Variants in RBKS observed in about 807,000 individuals in gnomAD.
RBKS encodes ribokinase.
A neutral mutation model predicts 33.9 loss-of-function variants in RBKS; 33 were observed. The ratio of observed to expected loss-of-function variants is 0.97; its 90% CI spans 0.74 to 1.30. The LOEUF is 1.30. Among genes scored for constraint, RBKS ranks in the 50% most tolerant of loss-of-function variants. The pLI, the probability that RBKS is intolerant of heterozygous loss-of-function variation, is 0.00. For synonymous variants in RBKS, 125 were observed against 143.0 expected (o/e 0.87, Z 0.90); for missense variants, 361 against 392.6 (o/e 0.92, Z 0.68).
chr2:27,818,953 A>G (rs917670182), intron 7 of RBKS, among the ~76,000 whole-genome samples: 1 of 152,198 alleles, frequency 6.6e-6, no homozygotes, highest in Non-Finnish European at 1.5e-5. Context: ...CCCCTGAGAT[A>G]TTTCACCAAA....
rs759925783 is a variant in RBKS, at chr2:27,890,246, C to T, written c.89+11G>A. The T allele has an allele frequency of 9.9e-6, 16 of 1,612,802 alleles. No individual in the cohort carries two copies. The highest frequency in any genetic ancestry group is 8.5e-7 in the Non-Finnish European group (1 of 1,179,602). On this transcript the variant is annotated intron_variant, in intron 1 of 7. Transcript: ENST00000302188. The surrounding 1 kb of genome is among the most constrained non-coding windows in gnomAD (Gnocchi z 4.8). ...CCGAGCCGCAGACTGAGTAACTGGCCCCGGACTAACCTGACCAGGTCGGTC... is the reference window on the plus strand; with the variant it reads ...CCGAGCCGCAGACTGAGTAACTGGCTCCGGACTAACCTGACCAGGTCGGTC...
chr2:27,858,424 A>G lies in RBKS; in HGVS notation c.222+15T>C, dbSNP rs762267775. The G allele has an allele frequency of 1.2e-6, 2 of 1,601,202 alleles. No individual in the cohort carries two copies. Among genetic ancestry groups the G allele is most frequent in the Non-Finnish European group, 1.7e-6 (2 of 1,176,158 alleles). ...TCTTACCTCTAGAGTCCTCTCCACT[A>G]TACTTTGTACTTACCTTACACACCA... On this transcript the variant is annotated intron_variant, in intron 2 of 7. Coordinates refer to ENST00000302188, the MANE Select transcript of RBKS (RefSeq NM_022128.3).
chr2:27,865,571 CTTTTTTT>C lies in RBKS; in HGVS notation c.90-7007_90-7001del, dbSNP rs5830052. On this transcript the variant is annotated intron_variant, in intron 1 of 7. Transcript: ENST00000302188. Reference sequence around the variant, plus strand: ...TATTCTACCTTCCCTTCTCCTCCTCCTTTTTTTTTTTTTTTTTTTTTTGGTAGAGACA... The same window carrying C: ...TATTCTACCTTCCCTTCTCCTCCTCCTTTTTTTTTTTTTTTGGTAGAGACA... Among the ~76,000 whole-genome samples, 9 of 63,966 alleles carry C rather than the reference CTTTTTTT, an allele frequency of 1.4e-4. No individual in the cohort carries two copies. In the South Asian group the frequency reaches 3.4e-3, roughly 24 times the overall value. 42.0% of individuals were successfully genotyped at this position (63,966 alleles called of 152,430 possible). A position where few individuals can be genotyped will look rare whatever the true frequency, so the allele number is the denominator to read the frequency against.
At chr2:27,783,868 C>T (rs1677335818) in intron 7 of RBKS, among the ~76,000 whole-genome samples, 1 of 137,468 alleles carries the variant, frequency 7.3e-6, no homozygotes, top group African/African-American at 2.8e-5. Context: ...GATTGTGCCA[C>T]TGCACTCCAG....
intron 7 of RBKS, among the ~76,000 whole-genome samples, chr2:27,801,992 ATTTTTT>A (rs1179237576): frequency 1.4e-3 from 58 of 42,650 alleles, no homozygotes; most frequent in East Asian, 2.8e-3. Flanking sequence ...ATATATATAT[ATTTTTT>A]TTTTTTTTTT....
intron 1 of RBKS, among the ~76,000 whole-genome samples, chr2:27,886,440 A>G (rs1664529385): frequency 6.6e-6 from 1 of 152,232 alleles, no homozygotes; most frequent in Non-Finnish European, 1.5e-5. Context: ...TAGACTTGAA[A>G]ATTATAAATC....
At chr2:27,872,567 A>C (rs2148227174) in intron 1 of RBKS, among the ~76,000 whole-genome samples, 1 of 152,342 alleles carries the variant, frequency 6.6e-6, no homozygotes, top group South Asian at 2.1e-4. Context: ...AACTCACTTT[A>C]ATCAAAAGGT....
At chr2:27,806,808 G>A (rs1476064821) in intron 7 of RBKS, among the ~76,000 whole-genome samples, 3 of 152,218 alleles carry the variant, frequency 2.0e-5, no homozygotes. Flanking sequence ...TGGAGGGTTT[G>A]TTAAAACACC....
At chr2:27,801,787 A>AGGCAT (rs1677790621) in intron 7 of RBKS, among the ~76,000 whole-genome samples, 1 of 151,262 alleles carries the variant, frequency 6.6e-6, no homozygotes, top group South Asian at 2.1e-4. Context: ...AAGCAGGAGC[A>AGGCAT]GGCATGGCAC....
chr2:27,840,155 G>A (rs1573057665), intron 5 of RBKS, among the ~76,000 whole-genome samples: 1 of 151,434 alleles, frequency 6.6e-6, no homozygotes, highest in East Asian at 1.9e-4. Flanking sequence ...GAGTAGCTGG[G>A]ACTACAGGCA....
intron 7 of RBKS, among the ~76,000 whole-genome samples, chr2:27,791,613 T>TACACACAC (rs59707075): frequency 0.02 from 2,763 of 140,684 alleles, 142 homozygotes; most frequent in African/African-American, 0.073. Flanking sequence ...ATAATAAATC[T>TACACACAC]ACACACACAC....
At chr2:27,876,503 T>C (rs529600684) in intron 1 of RBKS, among the ~76,000 whole-genome samples, 4 of 152,232 alleles carry the variant, frequency 2.6e-5, no homozygotes, top group East Asian at 3.8e-4. Context: ...TATTACTATG[T>C]CTTCAAGTTC....
chr2:27,792,628 TC>T (rs1178109740), intron 7 of RBKS, among the ~76,000 whole-genome samples: 1 of 152,120 alleles, frequency 6.6e-6, no homozygotes, highest in Admixed American at 6.5e-5. Context: ...TTCCACTTCC[TC>T]CCTTGACCTC....
chr2:27,807,515 G>C (rs951212913), intron 7 of RBKS, among the ~76,000 whole-genome samples: 3 of 152,030 alleles, frequency 2.0e-5, no homozygotes, highest in African/African-American at 7.3e-5. Context: ...TGAGTAGCTG[G>C]GACTACAGGC....
chr2:27,881,975 C>A (rs993240264), intron 1 of RBKS, among the ~76,000 whole-genome samples: 3 of 152,168 alleles, frequency 2.0e-5, no homozygotes, highest in African/African-American at 7.2e-5. Flanking sequence ...TGGAAGACAA[C>A]CTAGGCAATA....
At chr2:27,802,256 A>G (rs1226323226) in intron 7 of RBKS, among the ~76,000 whole-genome samples, 6 of 151,838 alleles carry the variant, frequency 4.0e-5, no homozygotes, top group Non-Finnish European at 7.4e-5. Flanking sequence ...GTCACCTCCC[A>G]CAAGACCCCA....
chr2:27,849,120 T>C (rs949711903), intron 2 of RBKS, among the ~76,000 whole-genome samples: 1 of 152,196 alleles, frequency 6.6e-6, no homozygotes, highest in Non-Finnish European at 1.5e-5. Context: ...CCTAATAGCC[T>C]AATGGAACCC....
Position 27,888,611 on chromosome 2 carries a change from TTA to T in RBKS, c.89+1644_89+1645del, listed in dbSNP as rs1238054418. On this transcript the variant is annotated intron_variant, in intron 1 of 7. Transcript: ENST00000302188. ...TACATGCTCTATTTTTATACAAAAT[TTA>T]GTAAGTACCATATAACCTTTTCTTG... is the stretch of plus-strand genomic sequence containing the variant. 9.8e-5 allele frequency among the ~76,000 whole-genome samples: 15 copies of T among 152,340 alleles called. No homozygotes were observed. In the East Asian group the frequency reaches 2.3e-3, roughly 23 times the overall value.
intron 7 of RBKS, among the ~76,000 whole-genome samples, chr2:27,812,608 C>CA (rs1282800510): frequency 6.6e-6 from 1 of 151,922 alleles, no homozygotes; most frequent in Non-Finnish European, 1.5e-5. Flanking sequence ...ATCGCAAGGA[C>CA]AAAAAACCAA....
Sources: gnomAD v4.1 joint callset for allele counts (sites outside exome capture counted in the v4.1 genomes callset) on GRCh38, gnomAD v4.1.1 for gene constraint, Gnocchi (gnomAD v3.1) non-coding constraint, MANE v1.5 for transcripts, NCBI Gene and HGNC (gene_info 2026-07-23, HGNC 2026-07-21) for gene names.